The following RNF6 variants were observed in gnomAD, a reference collection of about 807,000 sequenced individuals.
The protein encoded by RNF6 is ring finger protein 6, also known as E3 ubiquitin-protein ligase RNF6.
RNF6 carries 21 observed loss-of-function variants against 50.1 expected under a neutral mutation model. The observed-to-expected ratio is 0.42, with a 90% CI of 0.30 to 0.60. The LOEUF (loss-of-function observed/expected upper bound fraction) is 0.60. Ranked by LOEUF, RNF6 falls within the 20% of genes least tolerant of loss-of-function variation. RNF6 has a pLI of 0.20. For missense variants in RNF6, 698 were observed against 838.2 expected (o/e 0.83, Z 2.07); for synonymous variants, 255 against 291.8 (o/e 0.87, Z 1.29).
chr13:26,182,690 A>G (rs1873299009), intron 5 of RNF6, among the ~76,000 whole-genome samples: 1 of 152,192 alleles, frequency 6.6e-6, no homozygotes, highest in Non-Finnish European at 1.5e-5. Flanking sequence ...CTGTAGTCCC[A>G]GCTACTCAGG....
At chr13:26,187,964 A>G (rs751995342) in intron 5 of RNF6, among the ~76,000 whole-genome samples, 1 of 152,238 alleles carries the variant, frequency 6.6e-6, no homozygotes, top group African/African-American at 2.4e-5. Flanking sequence ...ATAGAACTAG[A>G]AGTCAACAAG....
In RNF6 at chr13:26,214,919, A is replaced by T; in HGVS notation, c.963T>A (p.Thr321=). The part of the protein sequence containing the change: ...SRSPIQRQSG[T]VYHNSQRESR... ...TTTCCCTTTGGGAATTATGATAAACAGTGCCACTCTGTCTCTGAATTGGTG... is the reference window on the plus strand; with the variant it reads ...TTTCCCTTTGGGAATTATGATAAACTGTGCCACTCTGTCTCTGAATTGGTG... Residue 321 remains threonine (T), a synonymous_variant, in exon 5 of 5, where the codon ACT becomes ACA. Transcript: ENST00000381588. 1 of 1,614,260 alleles carries T rather than the reference A, an allele frequency of 6.2e-7. No individual in the cohort carries two copies. The highest frequency in any genetic ancestry group is 2.2e-5 in the East Asian group (1 of 44,890).
chr13:26,143,248 G>C (rs1409254641), intron 5 of RNF6, among the ~76,000 whole-genome samples: 4 of 152,140 alleles, frequency 2.6e-5, no homozygotes, highest in Non-Finnish European at 4.4e-5. Flanking sequence ...GTAATACTGA[G>C]AGATGCCTTA....
In RNF6 at chr13:26,214,508, A is replaced by G. The variant is rs1566438978; in HGVS notation, c.1374T>C (p.Ser458=). ...LERSGIRTYV[S]TITVPLRRIS... The stretch of plus-strand genomic sequence containing the variant: ...TCCTACGAAGAGGAACTGTTATGGT[A>G]CTAACATAGGTTCGAATACCTGACC... The change falls in exon 5 of 5, where the codon AGT becomes AGC. Residue 458 remains serine, a synonymous_variant. Transcript: ENST00000381588. 3 of 1,614,204 alleles carry G rather than the reference A, an allele frequency of 1.9e-6. No homozygotes were observed. Among genetic ancestry groups the G allele is most frequent in the Non-Finnish European group, 2.5e-6 (3 of 1,180,042 alleles).
At chr13:26,152,920 C>T (rs1032463940) in intron 5 of RNF6, among the ~76,000 whole-genome samples, 1 of 151,884 alleles carries the variant, frequency 6.6e-6, no homozygotes, top group East Asian at 1.9e-4. Context: ...TTTGGGAGGC[C>T]GAGGCGGGCG....
At chr13:26,183,712 T>C (rs2137663842) in intron 5 of RNF6, among the ~76,000 whole-genome samples, 1 of 152,160 alleles carries the variant, frequency 6.6e-6, no homozygotes, top group Admixed American at 6.5e-5. Context: ...ACTGAATTAT[T>C]TATATATACA....
chr13:26,139,036 A>G (rs1206551344), intron 5 of RNF6, among the ~76,000 whole-genome samples: 1 of 152,144 alleles, frequency 6.6e-6, no homozygotes, highest in African/African-American at 2.4e-5. Context: ...AACTTTCTGT[A>G]TCTTATATGT....
chr13:26,214,458 G>A lies in RNF6; in HGVS notation c.1424C>T (p.Pro475Leu). The change falls in exon 5 of 5, where the codon CCA becomes CTA. Residue 475 changes from proline (P) to leucine (L), a missense_variant. Physicochemically the swap from Pro to Leu is moderately conservative, Grantham distance 98. Transcript: ENST00000381588. ...RRISENELVE[P>L]SSVALRSILR... ...AATTGACCGAAGAGCCACTGATGAT[G>A]GCTCAACAAGCTCATTCTCAGAAAT... The A allele has an allele frequency of 6.2e-7, 1 of 1,614,152 alleles. No homozygotes were observed. The highest frequency in any genetic ancestry group is 2.2e-5 in the East Asian group (1 of 44,874).
At position 26,156,719 on chromosome 13, in the gene RNF6, A is replaced by AC. The variant is rs1457845701; in HGVS notation, n.769-24269_769-24268insG. On this transcript the variant is annotated intron_variant and non_coding_transcript_variant, in intron 5 of 5. Coordinates refer to the RNF6 transcript ENST00000468480. ...TAACTGAAATAAAAACAAAAATAAA[A>AC]TAAAAACTACTTAGAAAGTATCAGA... Among the ~76,000 whole-genome samples, 5 of 152,354 alleles carry AC rather than the reference A, an allele frequency of 3.3e-5. No individual in the cohort carries two copies. The East Asian group carries it at 9.6e-4, about 29-fold the overall frequency.
Position 26,173,952 on chromosome 13 carries a change from A to AC in RNF6, n.769-41502_769-41501insG, listed in dbSNP as rs1168748176. On this transcript the variant is annotated intron_variant and non_coding_transcript_variant, in intron 5 of 5. Transcript: ENST00000468480. The stretch of plus-strand genomic sequence containing the variant: ...GCAACAGAGCGAGACTCCGTCTCAA[A>AC]AAAAAAAAAAAAAGCAAAGAAAAAA... 7.3e-5 allele frequency among the ~76,000 whole-genome samples: 11 copies of AC among 151,458 alleles called. No homozygotes were observed. In the East Asian group the frequency reaches 2.1e-3, roughly 29 times the overall value.
chr13:26,219,431 T>C (rs1870239934), intron 3 of RNF6, 26 bp downstream of exon 3: 2 of 1,515,392 alleles, frequency 1.3e-6, no homozygotes, highest in Non-Finnish European at 1.8e-6. Context: ...GAAAAAAGGG[T>C]GTTTCCTCTT....
intron 5 of RNF6, among the ~76,000 whole-genome samples, chr13:26,145,419 G>A (rs1871172110): frequency 6.7e-6 from 1 of 149,006 alleles, no homozygotes. Flanking sequence ...GTTGGAGGAG[G>A]GGCCTAGTAG....
chr13:26,220,036 T>C (rs138203243), intron 2 of RNF6, among the ~76,000 whole-genome samples: 34 of 152,318 alleles, frequency 2.2e-4, no homozygotes, highest in African/African-American at 8.2e-4. Context: ...AATTACAAAT[T>C]TTAGGCTTGA....
At chr13:26,150,920 A>G (rs1871556800) in intron 5 of RNF6, 3 of 152,218 alleles carry the variant, frequency 2.0e-5, no homozygotes, top group Non-Finnish European at 2.9e-5. Context: ...CAAAACAATC[A>G]GAGTTACACT....
intron 5 of RNF6, among the ~76,000 whole-genome samples, chr13:26,189,665 G>T (rs17526316): frequency 0.3 from 45,879 of 152,106 alleles, 7,204 homozygotes; most frequent in Middle Eastern, 0.36. Context: ...ATTGGATGAT[G>T]AAACTTCAGA....
chr13:26,218,742 C>T (rs1870160063), intron 3 of RNF6, 136 bp from the exon 4 acceptor site: 6 of 603,706 alleles, frequency 9.9e-6, no homozygotes, highest in Admixed American at 9.2e-5. Context: ...AAATTGAAGA[C>T]AGTTAAAAAT....
At chr13:26,142,898 C>T (rs1871033762) in intron 5 of RNF6, among the ~76,000 whole-genome samples, 1 of 152,104 alleles carries the variant, frequency 6.6e-6, no homozygotes, top group African/African-American at 2.4e-5. Context: ...ACAATCAACA[C>T]AGCTTATGTT....
chr13:26,182,256 A>G (rs1217223636), intron 5 of RNF6, among the ~76,000 whole-genome samples: 2 of 152,170 alleles, frequency 1.3e-5, no homozygotes, highest in Admixed American at 6.5e-5. Flanking sequence ...TCTCATGTCT[A>G]TTTTTATTCT....
intron 5 of RNF6, among the ~76,000 whole-genome samples, chr13:26,164,812 T>C (rs907255694): frequency 6.6e-5 from 10 of 152,172 alleles, no homozygotes; most frequent in African/African-American, 2.4e-4. Flanking sequence ...TTCTCCTGAA[T>C]GACTTTGGGT....
Sources: allele counts gnomAD v4.1 joint callset (sites outside exome capture counted in the v4.1 genomes callset), GRCh38; gene constraint gnomAD v4.1.1; transcripts MANE v1.5; gene names NCBI Gene and HGNC (gene_info 2026-07-23, HGNC 2026-07-21).